The following ZNF148 variants were observed in gnomAD, a reference collection of about 807,000 sequenced individuals.
The protein encoded by ZNF148 is zinc finger protein 148.
ZNF148 carries 7 observed loss-of-function variants against 67.7 expected under a neutral mutation model. The ratio of observed to expected loss-of-function variants is 0.10; its 90% confidence interval spans 0.06 to 0.19. The LOEUF (loss-of-function observed/expected upper bound fraction) is 0.19, where lower values mean the gene tolerates loss of function less well. ZNF148 is among the 10% of genes least tolerant of loss of function. ZNF148 has a pLI of 1.00. For synonymous variants in ZNF148, 333 were observed against 330.7 expected, an observed-to-expected ratio of 1.01 and a Z score of -0.08; for missense variants, 583 against 947.1, an observed-to-expected ratio of 0.62 and a Z score of 5.05.
In ZNF148 at chr3:125,323,454, AAC is replaced by A. The variant is rs1940871833; in HGVS notation, c.-152-12_-152-11del. On this transcript the variant is annotated splice_polypyrimidine_tract_variant and intron_variant, in intron 2 of 8. Transcript: ENST00000360647. ...TTATGCCATCCGATTCCTACAATAA[AAC>A]ACACACACAACAAACATTATTTATG... 1.5e-5 allele frequency: 10 copies of A among 673,872 alleles called. No individual in the cohort carries two copies. Among genetic ancestry groups the A allele is most frequent in the South Asian group, 3.2e-5 (2 of 61,770 alleles). The allele number at this position is 673,872 out of a possible 1,614,324, so 41.7% of individuals were successfully genotyped here.
intron 2 of ZNF148, among the ~76,000 whole-genome samples, chr3:125,323,938 A>G (rs7647548): frequency 0.77 from 115,056 of 149,438 alleles, 44,858 homozygotes; most frequent in African/African-American, 0.85. Context: ...CAGCCTGGGC[A>G]ACAGAGCGAG....
chr3:125,258,614 G>A (rs1263383064), intron 7 of ZNF148, among the ~76,000 whole-genome samples: 1 of 151,846 alleles, frequency 6.6e-6, no homozygotes, highest in African/African-American at 2.4e-5. Flanking sequence ...CTGAAAATTA[G>A]TAAGAATAAA....
intron 1 of ZNF148, among the ~76,000 whole-genome samples, chr3:125,370,620 C>T (rs2107800090): frequency 6.6e-6 from 1 of 152,254 alleles, no homozygotes; most frequent in Middle Eastern, 3.4e-3. Context: ...CAAGAGTTGC[C>T]ATTACTTAGA....
chr3:125,305,618 C>T (rs1369601782), intron 4 of ZNF148, among the ~76,000 whole-genome samples: 1 of 151,750 alleles, frequency 6.6e-6, no homozygotes, highest in Non-Finnish European at 1.5e-5. Flanking sequence ...GTGAGACTAG[C>T]CTGGGCAACA....
At chr3:125,269,205 C>CAAAAAAAAAAAA (rs71148173) in intron 7 of ZNF148, among the ~76,000 whole-genome samples, 2 of 96,870 alleles carry the variant, frequency 2.1e-5, no homozygotes, top group African/African-American at 4.2e-5. Flanking sequence ...CGGTCTCTAC[C>CAAAAAAAAAAAA]AAAAAAAAAA....
At chr3:125,332,178 A>T (rs1253505418) in intron 1 of ZNF148, among the ~76,000 whole-genome samples, 1 of 152,206 alleles carries the variant, frequency 6.6e-6, no homozygotes, top group Non-Finnish European at 1.5e-5. Context: ...TCTTTCTGAT[A>T]ATTTAGCATT....
chr3:125,273,373 G>C (rs180856392), intron 7 of ZNF148, among the ~76,000 whole-genome samples: 2 of 152,040 alleles, frequency 1.3e-5, no homozygotes, highest in East Asian at 3.8e-4. Context: ...TTTTTACAGA[G>C]AGAACTGTAT....
chr3:125,290,047 T>C (rs1256624820), intron 4 of ZNF148, among the ~76,000 whole-genome samples: 1 of 152,026 alleles, frequency 6.6e-6, no homozygotes, highest in Non-Finnish European at 1.5e-5. Flanking sequence ...ACCACCACCA[T>C]CCACCACCAC....
chr3:125,305,043 T>C (rs190890244), intron 4 of ZNF148, among the ~76,000 whole-genome samples: 2 of 152,334 alleles, frequency 1.3e-5, no homozygotes, highest in African/African-American at 4.8e-5. Flanking sequence ...ATAATCACAG[T>C]AATAGATTTT....
chr3:125,245,135 A>G (rs531390697), intron 7 of ZNF148, among the ~76,000 whole-genome samples: 1 of 152,264 alleles, frequency 6.6e-6, no homozygotes, highest in South Asian at 2.1e-4. Flanking sequence ...TAAGGATCTC[A>G]AATACATCAT....
At position 125,226,716 on chromosome 3, in the gene ZNF148, A is replaced by G. The variant is rs1322434530; in HGVS notation, c.*5625T>C. ...AGATTTTGTTTTTACAATGACAATTAAAACATATTTAAAGAAACAAAAAAC... is the reference window on the plus strand; with the variant it reads ...AGATTTTGTTTTTACAATGACAATTGAAACATATTTAAAGAAACAAAAAAC... On this transcript the variant is annotated 3_prime_UTR_variant, in exon 9 of 9. Transcript: ENST00000360647. 1 of 94,144 alleles carries G rather than the reference A, an allele frequency of 1.1e-5. No individual in the cohort carries two copies. The highest frequency in any genetic ancestry group is 2.2e-5 in the Non-Finnish European group (1 of 45,496). The allele number at this position is 94,144 out of a possible 1,614,324, so 5.8% of individuals were successfully genotyped here. A position where few individuals can be genotyped will look rare whatever the true frequency, so the allele number is the denominator to read the frequency against.
chr3:125,348,714 C>T (rs1191787600), intron 1 of ZNF148, among the ~76,000 whole-genome samples: 3 of 152,118 alleles, frequency 2.0e-5, no homozygotes, highest in Non-Finnish European at 4.4e-5. Flanking sequence ...TCAATGAAAA[C>T]CCCAATGGCA....
intron 4 of ZNF148, among the ~76,000 whole-genome samples, chr3:125,293,781 G>C (rs938105622): frequency 6.6e-6 from 1 of 152,054 alleles, no homozygotes; most frequent in African/African-American, 2.4e-5. Flanking sequence ...CAATATAGAA[G>C]GAATGCGGAA....
chr3:125,338,474 T>C (rs1941584141), intron 1 of ZNF148, among the ~76,000 whole-genome samples: 1 of 151,860 alleles, frequency 6.6e-6, no homozygotes, highest in Non-Finnish European at 1.5e-5. Flanking sequence ...GTCAATTCTT[T>C]GTCATCAAAA....
At chr3:125,272,574 C>CAA (rs994557826) in intron 7 of ZNF148, among the ~76,000 whole-genome samples, 1 of 151,260 alleles carries the variant, frequency 6.6e-6, no homozygotes, top group Non-Finnish European at 1.5e-5. Context: ...TCCTCCTAAA[C>CAA]AAAAAAAATT....
At chr3:125,252,010 G>A (rs1379888465) in intron 7 of ZNF148, among the ~76,000 whole-genome samples, 1 of 152,160 alleles carries the variant, frequency 6.6e-6, no homozygotes, top group Non-Finnish European at 1.5e-5. Context: ...TCAGAGTACA[G>A]TTTTATGTAA....
intron 7 of ZNF148, among the ~76,000 whole-genome samples, chr3:125,248,756 C>T (rs1206556034): frequency 6.6e-6 from 1 of 152,298 alleles, no homozygotes; most frequent in East Asian, 1.9e-4. Context: ...ATTAACACTA[C>T]TTTTATGCAA....
intron 4 of ZNF148, among the ~76,000 whole-genome samples, chr3:125,293,010 T>C (rs1939096001): frequency 6.6e-6 from 1 of 152,192 alleles, no homozygotes; most frequent in Non-Finnish European, 1.5e-5. Context: ...CACTAAATTT[T>C]TTGTTTTGGA....
intron 7 of ZNF148, among the ~76,000 whole-genome samples, chr3:125,266,370 C>A (rs758232671): frequency 1.3e-4 from 20 of 152,124 alleles, no homozygotes; most frequent in Non-Finnish European, 1.9e-4. Flanking sequence ...TCATACCAAG[C>A]ACATTCTCAG....
Sources: allele counts gnomAD v4.1 joint callset (sites outside exome capture counted in the v4.1 genomes callset), GRCh38; gene constraint gnomAD v4.1.1; transcripts MANE v1.5; gene names NCBI Gene and HGNC (gene_info 2026-07-23, HGNC 2026-07-21).